Variants in TBC1D5 observed in about 807,000 individuals in gnomAD.
TBC1D5 encodes TBC1 domain family member 5, also known as TBC1 domain family, member 5.
In TBC1D5, 75 loss-of-function variants were observed where a neutral mutation model predicts 100.3. That is an observed-to-expected ratio of 0.75 (90% CI 0.62 to 0.91). The LOEUF is 0.91. Ranked by LOEUF, TBC1D5 falls within the 40% of genes least tolerant of loss-of-function variation. The pLI is 0.00. For missense variants in TBC1D5, 910 were observed against 942.4 expected (o/e 0.97, Z 0.45); for synonymous variants, 323 against 325.6 (o/e 0.99, Z 0.09).
At chr3:17,463,733 C>A (rs1008102410) in intron 3 of TBC1D5, among the ~76,000 whole-genome samples, 1 of 152,084 alleles carries the variant, frequency 6.6e-6, no homozygotes, top group Non-Finnish European at 1.5e-5. Context: ...ATGATCCTGT[C>A]ATTTGCCTCA....
intron 2 of TBC1D5, among the ~76,000 whole-genome samples, chr3:17,553,793 C>T (rs955602127): frequency 2.0e-5 from 3 of 152,050 alleles, no homozygotes; most frequent in Non-Finnish European, 1.5e-5. Context: ...ATTATGAATA[C>T]CAAAACATTT....
chr3:17,539,758 C>T (rs182943377), intron 2 of TBC1D5, among the ~76,000 whole-genome samples: 8 of 152,316 alleles, frequency 5.3e-5, no homozygotes, highest in South Asian at 4.1e-4. Context: ...TTTTAGTTTA[C>T]AATTCCATAT....
intron 3 of TBC1D5, among the ~76,000 whole-genome samples, chr3:17,470,056 C>T (rs918962741): frequency 6.6e-6 from 1 of 152,198 alleles, no homozygotes; most frequent in Non-Finnish European, 1.5e-5. Context: ...TCCTACACTG[C>T]GCCCTTAGCT....
chr3:17,225,818 T>C (rs756224921), intron 17 of TBC1D5, among the ~76,000 whole-genome samples: 2 of 152,106 alleles, frequency 1.3e-5, no homozygotes, highest in Non-Finnish European at 2.9e-5. Context: ...TACTCCAGTC[T>C]GGGCAACAGA....
intron 15 of TBC1D5, among the ~76,000 whole-genome samples, chr3:17,269,855 A>G (rs1307869775): frequency 1.3e-5 from 2 of 152,162 alleles, no homozygotes; most frequent in African/African-American, 4.8e-5. Context: ...GTAGTGTTCC[A>G]TGGTGTATAT....
chr3:17,626,518 G>A (rs1560314703), intron 1 of TBC1D5, among the ~76,000 whole-genome samples: 1 of 152,202 alleles, frequency 6.6e-6, no homozygotes, highest in South Asian at 2.1e-4. Context: ...AGACCCAAGT[G>A]AAAAACAAAA....
At chr3:17,345,318 A>C (rs2089698249) in intron 13 of TBC1D5, among the ~76,000 whole-genome samples, 1 of 152,244 alleles carries the variant, frequency 6.6e-6, no homozygotes, top group Non-Finnish European at 1.5e-5. Context: ...CACATGAAAA[A>C]ATGCTCATCA....
chr3:17,588,853 T>C (rs1237935174), intron 2 of TBC1D5, among the ~76,000 whole-genome samples: 2 of 152,222 alleles, frequency 1.3e-5, no homozygotes, highest in Admixed American at 1.3e-4. Flanking sequence ...AAAAGCATAA[T>C]CTCAATATTA....
chr3:17,613,500 CA>C lies in TBC1D5; in HGVS notation c.-36+10348del, dbSNP rs1433490964. On this transcript the variant is annotated intron_variant, in intron 2 of 21. Coordinates refer to ENST00000253692, the Ensembl canonical transcript of TBC1D5. ...TGGTTGAACTAATTTACACTCCCAT[CA>C]ACAGTGTAAAAGTGTTCCTATTTCT... Among the ~76,000 whole-genome samples, 10 of 152,316 alleles carry C rather than the reference CA, an allele frequency of 6.6e-5. No individual in the cohort carries two copies. The East Asian group carries it at 1.5e-3, about 24-fold the overall frequency.
In TBC1D5 at chr3:17,228,102, T is replaced by G. The variant is rs985681211; in HGVS notation, c.1588+10061A>C. On this transcript the variant is annotated intron_variant, in intron 17 of 21. Transcript: ENST00000253692. ...TTGAGTGAGGATTATAAGGGCTTGG[T>G]TGAGTGGACCATCTGTTGCGTTGGT... Among the ~76,000 whole-genome samples, 3 of 152,066 alleles carry G rather than the reference T, an allele frequency of 2.0e-5. No individual in the cohort carries two copies. In the South Asian group the frequency reaches 6.2e-4, roughly 32 times the overall value.
chr3:17,319,047 T>C (rs2085044793), intron 13 of TBC1D5, among the ~76,000 whole-genome samples: 2 of 152,234 alleles, frequency 1.3e-5, no homozygotes, highest in South Asian at 2.1e-4. Context: ...CAGCCAATTT[T>C]AGAAAGACTT....
At chr3:17,157,546 C>T (rs1005505170) in exon 22 of TBC1D5, 3 of 151,726 alleles carry the variant, frequency 2.0e-5, no homozygotes, top group African/African-American at 7.3e-5. Context: ...CCCCAGTGCC[C>T]CTCCTCCAGA....
intron 3 of TBC1D5, among the ~76,000 whole-genome samples, chr3:17,481,985 C>A (rs2095507546): frequency 6.6e-6 from 1 of 152,206 alleles, no homozygotes; most frequent in Non-Finnish European, 1.5e-5. Context: ...AGATGATCCA[C>A]CAGCCTTGGC....
intron 2 of TBC1D5, among the ~76,000 whole-genome samples, chr3:17,544,320 T>G (rs2096390821): frequency 6.6e-6 from 1 of 152,184 alleles, no homozygotes; most frequent in South Asian, 2.1e-4. Context: ...ATAATTTGAT[T>G]ATCAATAATA....
At chr3:17,225,969 A>T (rs939792802) in intron 17 of TBC1D5, among the ~76,000 whole-genome samples, 1 of 152,102 alleles carries the variant, frequency 6.6e-6, no homozygotes, top group African/African-American at 2.4e-5. Context: ...ACCATTTTAT[A>T]TAAGAGACTT....
intron 2 of TBC1D5, among the ~76,000 whole-genome samples, chr3:17,585,207 A>G (rs1396737357): frequency 6.6e-6 from 1 of 152,236 alleles, no homozygotes; most frequent in Non-Finnish European, 1.5e-5. Flanking sequence ...AAAAAGATAC[A>G]AATGTTAAAT....
At chr3:17,539,734 G>A (rs1223474678) in intron 2 of TBC1D5, among the ~76,000 whole-genome samples, 1 of 152,170 alleles carries the variant, frequency 6.6e-6, no homozygotes, top group Non-Finnish European at 1.5e-5. Flanking sequence ...CAATTAAGAA[G>A]CTTAAAGTTT....
Position 17,483,195 on chromosome 3 carries a change from A to G in TBC1D5, c.97+25279T>C, listed in dbSNP as rs79558932. 2.2e-3 allele frequency among the ~76,000 whole-genome samples: 335 copies of G among 152,304 alleles called. 1 individual carries two copies. The highest frequency in any genetic ancestry group is 4.1e-3 in the Non-Finnish European group (279 of 68,024). The stretch of plus-strand genomic sequence containing the variant: ...CTCAGGCTTTACAGAGAACTTTAAT[A>G]TAACAGCCATCTCTAAAATTAGATA... On this transcript the variant is annotated intron_variant, in intron 3 of 21. Coordinates refer to ENST00000253692, the Ensembl canonical transcript of TBC1D5.
At chr3:17,700,265 T>C (rs2072950917) in intron 1 of TBC1D5, among the ~76,000 whole-genome samples, 1 of 152,002 alleles carries the variant, frequency 6.6e-6, no homozygotes, top group Admixed American at 6.6e-5. Flanking sequence ...CTGGGAAAAC[T>C]GGCTAGCCAT....
Sources: gnomAD v4.1 joint callset for allele counts (sites outside exome capture counted in the v4.1 genomes callset) on GRCh38, gnomAD v4.1.1 for gene constraint, MANE v1.5 for transcripts, NCBI Gene and HGNC (gene_info 2026-07-23, HGNC 2026-07-21) for gene names.